SPAG16: variants seen among roughly 807,000 people sequenced by gnomAD.
The protein encoded by SPAG16 is sperm-associated antigen 16 protein.
SPAG16 carries 86 observed loss-of-function variants against 80.4 expected under a neutral mutation model. The ratio of observed to expected loss-of-function variants is 1.07; its 90% CI spans 0.90 to 1.28. SPAG16 has a LOEUF of 1.28. Among genes scored for constraint, SPAG16 ranks in the 50% most tolerant of loss-of-function variants. The pLI is 0.00. For missense variants in SPAG16, 870 were observed against 765.3 expected (o/e 1.14, Z -1.61); for synonymous variants, 294 against 265.9 (o/e 1.11, Z -1.03).
intron 8 of SPAG16, among the ~76,000 whole-genome samples, chr2:213,374,536 A>G (rs772112904): frequency 2.6e-5 from 4 of 152,146 alleles, no homozygotes; most frequent in South Asian, 2.1e-4. Context: ...TAGGAGACCA[A>G]TGTTACAACT....
chr2:214,237,227 T>G (rs2125817344), intron 15 of SPAG16, among the ~76,000 whole-genome samples: 1 of 152,194 alleles, frequency 6.6e-6, no homozygotes, highest in South Asian at 2.1e-4. Context: ...CTTCTAAAGA[T>G]AAAGAAAGCA....
chr2:213,326,832 T>C (rs1575208088), intron 5 of SPAG16, among the ~76,000 whole-genome samples: 1 of 152,124 alleles, frequency 6.6e-6, no homozygotes, highest in South Asian at 2.1e-4. Context: ...TACTTAAAAC[T>C]GTTCAGTTAA....
intron 13 of SPAG16, among the ~76,000 whole-genome samples, chr2:214,106,794 C>T (rs1488553941): frequency 6.6e-6 from 1 of 152,134 alleles, no homozygotes; most frequent in Non-Finnish European, 1.5e-5. Flanking sequence ...ATCTACTCTT[C>T]TGACTGACTT....
At chr2:213,797,206 A>G (rs1450732800) in intron 10 of SPAG16, among the ~76,000 whole-genome samples, 1 of 152,216 alleles carries the variant, frequency 6.6e-6, no homozygotes, top group Non-Finnish European at 1.5e-5. Flanking sequence ...AAAATGTTAC[A>G]GTAAGCTAAG....
At chr2:213,400,492 T>TA in intron 9 of SPAG16, among the ~76,000 whole-genome samples, 1 of 152,336 alleles carries the variant, frequency 6.6e-6, no homozygotes, top group Middle Eastern at 3.4e-3. Flanking sequence ...GTAGTTGAAA[T>TA]AAATCATGGT....
intron 9 of SPAG16, among the ~76,000 whole-genome samples, chr2:213,445,706 A>T (rs149291871): frequency 6.6e-6 from 1 of 152,164 alleles, no homozygotes; most frequent in Non-Finnish European, 1.5e-5. Flanking sequence ...AATGCTCAAC[A>T]TCACTAATCA....
Position 213,862,646 on chromosome 2 carries a change from C to G in SPAG16, c.1214+18C>G. 1 of 1,613,274 alleles carries G rather than the reference C, an allele frequency of 6.2e-7. No individual in the cohort carries two copies. The highest frequency in any genetic ancestry group is 8.5e-7 in the Non-Finnish European group (1 of 1,179,474). On this transcript the variant is annotated intron_variant, in intron 11 of 15. Transcript: ENST00000331683. ...CATCCCAGGTCAGTGCACAGGACCCCTAGAAATAGCCTAATCTCTCTAGGA... is the reference window on the plus strand; with the variant it reads ...CATCCCAGGTCAGTGCACAGGACCCGTAGAAATAGCCTAATCTCTCTAGGA...
intron 15 of SPAG16, among the ~76,000 whole-genome samples, chr2:214,167,269 G>T (rs932455186): frequency 6.6e-6 from 1 of 151,926 alleles, no homozygotes; most frequent in Non-Finnish European, 1.5e-5. Context: ...TACTTGTGCC[G>T]CTCTCCTTGG....
At chr2:213,430,129 A>G (rs1025753420) in intron 9 of SPAG16, among the ~76,000 whole-genome samples, 1 of 152,226 alleles carries the variant, frequency 6.6e-6, no homozygotes, top group Non-Finnish European at 1.5e-5. Flanking sequence ...AAATTTACCA[A>G]GGAGACAGAT....
intron 12 of SPAG16, among the ~76,000 whole-genome samples, chr2:213,976,126 A>ATG (rs1477053431): frequency 3.3e-4 from 35 of 105,656 alleles, no homozygotes; most frequent in African/African-American, 1.3e-3. Flanking sequence ...ATATATATAT[A>ATG]TATATATATA....
chr2:213,836,119 C>T (rs566881632), intron 10 of SPAG16, among the ~76,000 whole-genome samples: 1 of 151,028 alleles, frequency 6.6e-6, no homozygotes, highest in Non-Finnish European at 1.5e-5. Context: ...ACTGGTAATA[C>T]TAATTTTATC....
At chr2:213,972,317 G>T (rs1311409630) in intron 12 of SPAG16, among the ~76,000 whole-genome samples, 1 of 151,506 alleles carries the variant, frequency 6.6e-6, no homozygotes. Flanking sequence ...TATAAAAAGA[G>T]ATTTATTGTG....
intron 10 of SPAG16, among the ~76,000 whole-genome samples, chr2:213,583,892 T>A (rs1317271238): frequency 1.3e-5 from 2 of 152,358 alleles, no homozygotes; most frequent in South Asian, 2.1e-4. Context: ...AAAATAATTT[T>A]ATGTTTCAAA....
chr2:213,433,963 C>T (rs1208492139), intron 9 of SPAG16, among the ~76,000 whole-genome samples: 1 of 147,424 alleles, frequency 6.8e-6, no homozygotes, highest in East Asian at 2.0e-4. Context: ...TCTTGTCACC[C>T]CGGCTAGAGT....
At position 214,382,765 on chromosome 2, in the gene SPAG16, C is replaced by A. The variant is rs561248599; in HGVS notation, c.1721-27375C>A. Reference sequence around the variant, plus strand: ...TCCAAATAATTGTTCAATATGCAGCCAGACAATAGGCTTTTTCTTTTGAGA... The same window carrying A: ...TCCAAATAATTGTTCAATATGCAGCAAGACAATAGGCTTTTTCTTTTGAGA... On this transcript the variant is annotated intron_variant, in intron 15 of 15. Coordinates refer to ENST00000331683, the MANE Select transcript of SPAG16 (RefSeq NM_024532.5). Among the ~76,000 whole-genome samples, 6 of 152,284 alleles carry A rather than the reference C, an allele frequency of 3.9e-5. No homozygotes were observed. In the East Asian group the frequency reaches 1.2e-3, roughly 29 times the overall value.
chr2:213,525,489 A>G (rs1053610802), intron 10 of SPAG16, among the ~76,000 whole-genome samples: 1 of 151,692 alleles, frequency 6.6e-6, no homozygotes, highest in African/African-American at 2.4e-5. Context: ...GGGTTTCACC[A>G]TATTAGCAAG....
intron 10 of SPAG16, among the ~76,000 whole-genome samples, chr2:213,747,316 A>C (rs1264084113): frequency 6.6e-6 from 1 of 152,254 alleles, no homozygotes; most frequent in Admixed American, 6.5e-5. Flanking sequence ...AAATTTATGA[A>C]GTAAAAATAT....
chr2:213,474,438 C>T (rs1348680533), intron 9 of SPAG16, among the ~76,000 whole-genome samples: 1 of 152,144 alleles, frequency 6.6e-6, no homozygotes, highest in Non-Finnish European at 1.5e-5. Context: ...ATCACTTTGT[C>T]TACTGAACTT....
At chr2:213,474,531 A>T (rs1374109017) in intron 9 of SPAG16, among the ~76,000 whole-genome samples, 1 of 152,102 alleles carries the variant, frequency 6.6e-6, no homozygotes, top group African/African-American at 2.4e-5. Flanking sequence ...CTTGCCTCTC[A>T]TGTTTGGTGA....
Sources: allele counts gnomAD v4.1 joint callset (sites outside exome capture counted in the v4.1 genomes callset), GRCh38; gene constraint gnomAD v4.1.1; transcripts MANE v1.5; gene names NCBI Gene and HGNC (gene_info 2026-07-23, HGNC 2026-07-21).